SRRM4: variants seen among roughly 807,000 people sequenced by gnomAD.
SRRM4 encodes the protein serine/arginine repetitive matrix 4.
A neutral mutation model predicts 68.9 loss-of-function variants in SRRM4; 33 were observed. The ratio of observed to expected loss-of-function variants is 0.48; its 90% confidence interval spans 0.36 to 0.64. The LOEUF (loss-of-function observed/expected upper bound fraction) is 0.64. Among genes scored for constraint, SRRM4 ranks in the 30% least tolerant of loss-of-function variants. The pLI, the probability that SRRM4 is intolerant of heterozygous loss-of-function variation, is 0.00. For missense variants in SRRM4, 817 were observed against 827.1 expected, an observed-to-expected ratio of 0.99 and a Z score of 0.15; for synonymous variants, 318 against 318.8, an observed-to-expected ratio of 1.00 and a Z score of 0.03.
intron 1 of SRRM4, among the ~76,000 whole-genome samples, chr12:119,005,417 C>T (rs1351328947): frequency 1.3e-5 from 2 of 152,226 alleles, no homozygotes; most frequent in South Asian, 2.1e-4. Flanking sequence ...ACCTGGGCCC[C>T]ACCTCCAGAC....
chr12:119,138,865 T>G (rs1270082580), intron 8 of SRRM4, among the ~76,000 whole-genome samples: 1 of 152,112 alleles, frequency 6.6e-6, no homozygotes, highest in Non-Finnish European at 1.5e-5. Flanking sequence ...TATGTAGACA[T>G]CATGGAGGGT....
intron 1 of SRRM4, among the ~76,000 whole-genome samples, chr12:119,042,439 T>C (rs1953675825): frequency 6.6e-6 from 1 of 152,012 alleles, no homozygotes; most frequent in South Asian, 2.1e-4. Context: ...TGGTATTTAA[T>C]TGGTTTATTA....
intron 1 of SRRM4, among the ~76,000 whole-genome samples, chr12:118,990,461 T>C (rs1422213500): frequency 6.6e-6 from 1 of 152,246 alleles, no homozygotes; most frequent in African/African-American, 2.4e-5. Context: ...TAATTCAGTG[T>C]GCCCATGATC....
chr12:119,093,753 G>A (rs1317187315), intron 1 of SRRM4, among the ~76,000 whole-genome samples: 1 of 152,178 alleles, frequency 6.6e-6, no homozygotes, highest in African/African-American at 2.4e-5. Context: ...CCCTGCTCAA[G>A]TGGAAAACTA....
At chr12:119,139,172 G>A (rs189088102) in intron 8 of SRRM4, among the ~76,000 whole-genome samples, 3 of 152,310 alleles carry the variant, frequency 2.0e-5, no homozygotes, top group African/African-American at 7.2e-5. Flanking sequence ...AATGTCGGAG[G>A]GGGGTGACTG....
chr12:119,134,858 TA>T (rs1312468765), intron 8 of SRRM4, among the ~76,000 whole-genome samples: 1 of 152,166 alleles, frequency 6.6e-6, no homozygotes, highest in Non-Finnish European at 1.5e-5. Flanking sequence ...GCTTTACCAA[TA>T]AAGGATCATT....
chr12:119,047,333 A>T (rs12582834), intron 1 of SRRM4, among the ~76,000 whole-genome samples: 17,794 of 151,734 alleles, frequency 0.12, 1,126 homozygotes, highest in East Asian at 0.21. Context: ...TAACTTTAAA[A>T]TTTTTTTTTA....
At chr12:118,982,879 T>C (rs1361056874) in intron 1 of SRRM4, among the ~76,000 whole-genome samples, 7 of 152,044 alleles carry the variant, frequency 4.6e-5, no homozygotes, top group Non-Finnish European at 8.8e-5. Flanking sequence ...AAAAATCCAA[T>C]TCTTTTCATA....
chr12:119,086,553 T>C (rs1953980795), intron 1 of SRRM4, among the ~76,000 whole-genome samples: 1 of 152,182 alleles, frequency 6.6e-6, no homozygotes, highest in Non-Finnish European at 1.5e-5. Flanking sequence ...GTGGTTGATG[T>C]TTTGCTCCCT....
chr12:119,148,252 T>C (rs911127178), intron 9 of SRRM4, among the ~76,000 whole-genome samples: 1 of 152,202 alleles, frequency 6.6e-6, no homozygotes, highest in African/African-American at 2.4e-5. Context: ...ATTTCAGTCC[T>C]GGACAAACAG....
chr12:119,063,549 G>A (rs562240506), intron 1 of SRRM4, among the ~76,000 whole-genome samples: 33 of 152,160 alleles, frequency 2.2e-4, no homozygotes, highest in South Asian at 6.2e-4. Context: ...CATCAATTAC[G>A]TCCACACTTC....
At chr12:119,038,456 C>T (rs2136010092) in intron 1 of SRRM4, among the ~76,000 whole-genome samples, 1 of 152,224 alleles carries the variant, frequency 6.6e-6, no homozygotes, top group South Asian at 2.1e-4. Context: ...CGTGATCCAC[C>T]CACCTCGGCC....
chr12:119,063,633 C>A (rs754170127), intron 1 of SRRM4, among the ~76,000 whole-genome samples: 1 of 152,118 alleles, frequency 6.6e-6, no homozygotes, highest in Non-Finnish European at 1.5e-5. Context: ...TATTTTGTGC[C>A]TGGAAGAAGA....
At chr12:119,119,535 AGAAT>A in intron 4 of SRRM4, among the ~76,000 whole-genome samples, 1 of 151,886 alleles carries the variant, frequency 6.6e-6, no homozygotes, top group East Asian at 2.0e-4. Context: ...GGAGCACTGA[AGAAT>A]GAGAAGAAGC....
intron 2 of SRRM4, among the ~76,000 whole-genome samples, chr12:119,106,671 C>T (rs993251393): frequency 7.0e-6 from 1 of 143,360 alleles, no homozygotes; most frequent in African/African-American, 2.6e-5. Context: ...TATCCCGAGA[C>T]TTTGCTAAAG....
intron 1 of SRRM4, among the ~76,000 whole-genome samples, chr12:119,055,430 T>C (rs1953770443): frequency 6.6e-6 from 1 of 151,786 alleles, no homozygotes; most frequent in South Asian, 2.1e-4. Flanking sequence ...AAGAAGCATA[T>C]TTTAGTTCAG....
intron 1 of SRRM4, among the ~76,000 whole-genome samples, chr12:119,046,504 G>A (rs977357773): frequency 1.5e-5 from 2 of 133,868 alleles, no homozygotes; most frequent in Admixed American, 7.9e-5. Context: ...AACATCTAGA[G>A]CTTAATGGAG....
intron 1 of SRRM4, among the ~76,000 whole-genome samples, chr12:119,038,282 G>A (rs1953642742): frequency 6.6e-6 from 1 of 151,644 alleles, no homozygotes; most frequent in Admixed American, 6.6e-5. Context: ...TCAGCTCACG[G>A]CTCACTGCAA....
chr12:119,094,842 T>C (rs571779089), intron 1 of SRRM4, among the ~76,000 whole-genome samples: 2 of 152,346 alleles, frequency 1.3e-5, no homozygotes, highest in East Asian at 1.9e-4. Context: ...AGAAACAATG[T>C]CTTGGTTACT....
Sources: allele counts gnomAD v4.1 joint callset (sites outside exome capture counted in the v4.1 genomes callset), GRCh38; gene constraint gnomAD v4.1.1; transcripts MANE v1.5; gene names NCBI Gene and HGNC (gene_info 2026-07-23, HGNC 2026-07-21).